Variants in FIG4 observed in about 807,000 individuals in gnomAD.
FIG4 encodes FIG4 phosphoinositide 5-phosphatase.
Under a neutral mutation model 118.6 loss-of-function variants are expected in FIG4, and 112 were observed. The observed-to-expected ratio is 0.94, with a 90% CI of 0.81 to 1.11. The LOEUF is 1.11. Ranked by LOEUF, FIG4 falls within the 50% of genes least tolerant of loss-of-function variation. The probability of loss-of-function intolerance (pLI) is 0.00; values close to 1 mark genes in which losing one functional copy is unlikely to be tolerated. For synonymous variants in FIG4, 369 were observed against 381.2 expected (o/e 0.97, Z 0.37); for missense variants, 969 against 1,111.7 (o/e 0.87, Z 1.83).
chr6:109,763,870 T>A lies in FIG4; in HGVS notation c.1389-67T>A, dbSNP rs373501523. The A allele has an allele frequency of 3.4e-3, 3,499 of 1,034,496 alleles. 40 individuals carry two copies. The highest frequency in any genetic ancestry group is 0.023 in the South Asian group (1,820 of 77,718). 64.1% of individuals were successfully genotyped at this position (1,034,496 alleles called of 1,614,324 possible). A position where few individuals can be genotyped will look rare whatever the true frequency, so the allele number is the denominator to read the frequency against. On this transcript the variant is annotated intron_variant, in intron 12 of 22. Transcript: ENST00000230124. ...TTAATTCTATGATTCTTAACAAGGA[T>A]CTGGTACTGAAAATAAATATGTATT...
chr6:109,744,795 C>T (rs1258493500), intron 10 of FIG4, among the ~76,000 whole-genome samples: 1 of 151,796 alleles, frequency 6.6e-6, no homozygotes, highest in Non-Finnish European at 1.5e-5. Context: ...CCCCTATCCC[C>T]CCACCCCCCA....
chr6:109,743,582 G>T, intron 9 of FIG4, 93 bp from the exon 10 acceptor site: 1 of 908,200 alleles, frequency 1.1e-6, no homozygotes, highest in Non-Finnish European at 1.8e-6. Flanking sequence ...AAGATTAGTT[G>T]AATTGCATTT....
At chr6:109,778,785 G>C (rs1295086320) in intron 16 of FIG4, among the ~76,000 whole-genome samples, 1 of 151,982 alleles carries the variant, frequency 6.6e-6, no homozygotes, top group African/African-American at 2.4e-5. Context: ...ATTTTTAGTA[G>C]AGACGGGGTT....
intron 4 of FIG4, among the ~76,000 whole-genome samples, chr6:109,727,814 A>G (rs1293856054): frequency 6.6e-6 from 1 of 152,188 alleles, no homozygotes; most frequent in Admixed American, 6.5e-5. Flanking sequence ...AAGCATGGGG[A>G]AATAATCAGA....
chr6:109,755,407 T>C (rs1200109601), intron 10 of FIG4, among the ~76,000 whole-genome samples: 3 of 152,330 alleles, frequency 2.0e-5, no homozygotes, highest in East Asian at 3.9e-4. Context: ...AAAAAATGTA[T>C]ATTCTGTTGA....
intron 22 of FIG4, among the ~76,000 whole-genome samples, chr6:109,822,455 A>G (rs541548318): frequency 8.6e-4 from 131 of 152,240 alleles, no homozygotes; most frequent in African/African-American, 3.1e-3. Context: ...TATTTAATTA[A>G]TGTGTACATA....
At chr6:109,786,780 T>C (rs1041170273) in intron 18 of FIG4, among the ~76,000 whole-genome samples, 13 of 152,188 alleles carry the variant, frequency 8.5e-5, no homozygotes, top group African/African-American at 2.7e-4. Flanking sequence ...GCATCATCTT[T>C]GGTACTAGAA....
intron 13 of FIG4, 47 bp downstream of exon 13, chr6:109,764,029 G>A: frequency 8.2e-7 from 1 of 1,221,818 alleles, no homozygotes; most frequent in Non-Finnish European, 1.2e-6. Context: ...TGTATCCATT[G>A]TGTACTGTAT....
At chr6:109,791,962 T>C (rs553153847) in intron 20 of FIG4, among the ~76,000 whole-genome samples, 57 of 152,212 alleles carry the variant, frequency 3.7e-4, no homozygotes, top group Non-Finnish European at 7.2e-4. Context: ...TCAATATTAC[T>C]GATAGATTGG....
chr6:109,769,750 C>T (rs914471488), intron 15 of FIG4, among the ~76,000 whole-genome samples: 4 of 152,242 alleles, frequency 2.6e-5, no homozygotes, highest in Non-Finnish European at 5.9e-5. Context: ...GAGATCCCAT[C>T]TCTACAACAA....
chr6:109,732,657 A>G lies in FIG4; in HGVS notation c.467A>G (p.Asn156Ser). Residue 156 changes from asparagine to serine, a missense_variant, in exon 5 of 23, where the codon AAT (asparagine) becomes AGT (serine). By Grantham distance (46) the Asn-to-Ser change is conservative. Coordinates refer to ENST00000230124, the MANE Select transcript of FIG4 (RefSeq NM_014845.6). Reference sequence around the variant, plus strand: ...TTTAGGTATCTACGAATATTTCAAAATGTGGACCTATCTAGCAATTTTTAC... The same window carrying G: ...TTTAGGTATCTACGAATATTTCAAAGTGTGGACCTATCTAGCAATTTTTAC... The part of the protein sequence containing the change: ...DEARYLRIFQ[N>S]VDLSSNFYFS... The G allele has an allele frequency of 6.5e-7, 1 of 1,532,092 alleles. No homozygotes were observed. Among genetic ancestry groups the G allele is most frequent in the Non-Finnish European group, 9.0e-7 (1 of 1,113,762 alleles). 94.9% of individuals were successfully genotyped at this position (1,532,092 alleles called of 1,614,324 possible).
intron 2 of FIG4, among the ~76,000 whole-genome samples, chr6:109,715,475 G>A (rs940352071): frequency 1.6e-4 from 25 of 152,146 alleles, no homozygotes; most frequent in African/African-American, 6.0e-4. Flanking sequence ...AGGATTCAGT[G>A]TAACTTAATA....
intron 22 of FIG4, among the ~76,000 whole-genome samples, chr6:109,814,227 C>T (rs1373805350): frequency 2.0e-5 from 3 of 152,124 alleles, no homozygotes; most frequent in Non-Finnish European, 2.9e-5. Context: ...GAACCTTGAC[C>T]TGCCCGGCTC....
At position 109,738,328 on chromosome 6, in the gene FIG4, T is replaced by C. The variant is rs767524901; in HGVS notation, c.650T>C (p.Val217Ala). Residue 217 changes from valine (V) to alanine (A), a missense_variant, in exon 7 of 23, where the codon GTA (valine) becomes GCA (alanine). Coordinates refer to ENST00000230124, the MANE Select transcript of FIG4 (RefSeq NM_014845.6). ...GATACAGACTTTTATTTTTCAGGGG[T>C]ATTTGGGATCTGTAGTGAGCCTTAT... ...EGLITQGGSG[V>A]FGICSEPYMK... is the part of the protein sequence containing the mutation. 2.5e-6 allele frequency: 4 copies of C among 1,603,454 alleles called. No individual in the cohort carries two copies. The highest frequency in any genetic ancestry group is 4.5e-5 in the East Asian group (2 of 44,768).
At chr6:109,746,932 G>A (rs577128269) in intron 10 of FIG4, among the ~76,000 whole-genome samples, 25 of 151,984 alleles carry the variant, frequency 1.6e-4, no homozygotes, top group Non-Finnish European at 2.9e-4. Flanking sequence ...TGAAATGAGG[G>A]AGTAGGGGGT....
At chr6:109,790,656 A>G (rs1391544026) in intron 19 of FIG4, among the ~76,000 whole-genome samples, 1 of 152,214 alleles carries the variant, frequency 6.6e-6, no homozygotes, top group Non-Finnish European at 1.5e-5. Flanking sequence ...TTAGCTCCTT[A>G]TAGAGAATTT....
intron 2 of FIG4, among the ~76,000 whole-genome samples, chr6:109,715,763 T>G (rs1227001327): frequency 1.3e-5 from 2 of 152,188 alleles, no homozygotes; most frequent in African/African-American, 4.8e-5. Flanking sequence ...CAGTTAAGTT[T>G]AACTGTTCAC....
rs1776321191 is a variant in FIG4 at position 109,741,467 on chromosome 6, GTGTA to G, written c.803_806del (p.Tyr268SerfsTer3). ...AGAGCTGTTGATCTATGGACGACCA[GTGTA>G]TGTCACTCTAATAGCTAGAAGATCC... is the stretch of plus-strand genomic sequence containing the variant. On this transcript the variant is annotated frameshift_variant, in exon 8 of 23. Transcript: ENST00000230124. LOFTEE classifies it high-confidence loss of function. The G allele has an allele frequency of 1.2e-6, 2 of 1,613,002 alleles. No individual in the cohort carries two copies. The highest frequency in any genetic ancestry group is 1.7e-6 in the Non-Finnish European group (2 of 1,179,126).
chr6:109,740,116 G>T (rs757267212), intron 7 of FIG4, among the ~76,000 whole-genome samples: 4 of 152,052 alleles, frequency 2.6e-5, no homozygotes, highest in Non-Finnish European at 5.9e-5. Flanking sequence ...AATTCTACCT[G>T]GGAAGAACAC....
Sources: allele counts gnomAD v4.1 joint callset (sites outside exome capture counted in the v4.1 genomes callset), GRCh38; gene constraint gnomAD v4.1.1; transcripts MANE v1.5; gene names NCBI Gene and HGNC (gene_info 2026-07-23, HGNC 2026-07-21).